The following GNG2 variants were observed in gnomAD, a reference collection of about 807,000 sequenced individuals.
GNG2 encodes guanine nucleotide-binding protein G(I)/G(S)/G(O) subunit gamma-2.
GNG2 carries 5 observed loss-of-function variants against 5.5 expected under a neutral mutation model. The observed-to-expected ratio is 0.91, with a 90% CI of 0.48 to 1.92. The LOEUF (loss-of-function observed/expected upper bound fraction) is 1.92. GNG2 is among the 30% of genes most tolerant of loss of function. The pLI is 0.01. For missense variants in GNG2, 55 were observed against 88.4 expected (o/e 0.62, Z 1.52); for synonymous variants, 28 against 32.0 (o/e 0.88, Z 0.42).
At chr14:51,930,176 G>A (rs1004548105) in intron 2 of GNG2, among the ~76,000 whole-genome samples, 2 of 152,194 alleles carry the variant, frequency 1.3e-5, no homozygotes, top group African/African-American at 4.8e-5. Context: ...TTTGGTTAAT[G>A]CACTGTGCAA....
intron 2 of GNG2, among the ~76,000 whole-genome samples, chr14:51,908,271 C>T (rs1332503279): frequency 6.6e-6 from 1 of 152,094 alleles, no homozygotes; most frequent in Non-Finnish European, 1.5e-5. Context: ...GAAAGAGGGC[C>T]CAAGACGGAA....
At chr14:51,880,972 A>AG (rs1222275594) in intron 2 of GNG2, among the ~76,000 whole-genome samples, 2 of 149,550 alleles carry the variant, frequency 1.3e-5, no homozygotes, top group South Asian at 2.1e-4. Context: ...AAAAAGAAAA[A>AG]AAAAAAAAAA....
At chr14:51,863,173 C>G (rs1882639861) in intron 1 of GNG2, among the ~76,000 whole-genome samples, 1 of 152,104 alleles carries the variant, frequency 6.6e-6, no homozygotes, top group Non-Finnish European at 1.5e-5. Flanking sequence ...AAGTAGAAAG[C>G]CTGTTCATAA....
chr14:51,849,804 GCTT>G (rs765421627), intron 2 of GNG2, among the ~76,000 whole-genome samples: 4 of 90,274 alleles, frequency 4.4e-5, no homozygotes, highest in East Asian at 4.2e-4. Flanking sequence ...CAAAGCAAAT[GCTT>G]TTTTTTTTTT....
intron 2 of GNG2, among the ~76,000 whole-genome samples, chr14:51,929,618 G>A (rs1594928243): frequency 6.6e-6 from 1 of 152,228 alleles, no homozygotes; most frequent in African/African-American, 2.4e-5. Context: ...GAATAGACAA[G>A]TGTTAAAACT....
upstream of GNG2, chr14:51,860,554 G>C (rs934236626): frequency 1.3e-5 from 2 of 152,614 alleles, no homozygotes; most frequent in African/African-American, 4.8e-5. Context: ...GAGGAAGTGG[G>C]AGATGCGCTG....
Position 51,872,687 on chromosome 14 carries a change from G to C in GNG2, c.-70-4930G>C, listed in dbSNP as rs143245942. Among the ~76,000 whole-genome samples, 155 of 152,276 alleles carry C rather than the reference G, an allele frequency of 1.0e-3. 1 individual carries two copies. Among genetic ancestry groups the C allele is most frequent in the African/African-American group, 3.7e-3 (152 of 41,546 alleles). ...CCCATGAGAAAATAGTCTTCCCTAA[G>C]CCCTATTGTGATGTTCCAGTTATAA... is the stretch of plus-strand genomic sequence containing the variant. On this transcript the variant is annotated intron_variant, in intron 1 of 3. Transcript: ENST00000556766.
upstream of GNG2, among the ~76,000 whole-genome samples, chr14:51,857,928 A>T (rs1278119998): frequency 6.6e-6 from 1 of 152,234 alleles, no homozygotes; most frequent in Non-Finnish European, 1.5e-5. Flanking sequence ...GCTCAATAAC[A>T]TAGGAGAGAC....
intron 2 of GNG2, among the ~76,000 whole-genome samples, chr14:51,851,747 T>G (rs996972116): frequency 6.6e-6 from 1 of 152,254 alleles, no homozygotes; most frequent in Non-Finnish European, 1.5e-5. Flanking sequence ...CTTTAATTTC[T>G]TCTTTAAAAT....
chr14:51,862,066 T>C (rs1882528609), intron 1 of GNG2, among the ~76,000 whole-genome samples: 1 of 152,204 alleles, frequency 6.6e-6, no homozygotes, highest in African/African-American at 2.4e-5. Flanking sequence ...GCCTCCTCCT[T>C]TATCATCGTT....
chr14:51,898,039 T>C (rs1024000373), intron 2 of GNG2, among the ~76,000 whole-genome samples: 1 of 152,160 alleles, frequency 6.6e-6, no homozygotes, highest in Non-Finnish European at 1.5e-5. Flanking sequence ...TTGTTTCCCA[T>C]TTATTTTACT....
chr14:51,854,721 C>T (rs142546180), intron 2 of GNG2, among the ~76,000 whole-genome samples: 1,583 of 152,162 alleles, frequency 0.01, 35 homozygotes, highest in African/African-American at 0.037. Context: ...CCATGTTGGC[C>T]AGGCTGCTCT....
intron 1 of GNG2, 98 bp downstream of exon 1, chr14:51,860,888 C>A (rs1003897705): frequency 1.3e-4 from 20 of 152,178 alleles, no homozygotes; most frequent in African/African-American, 4.6e-4. Flanking sequence ...ATAGAGACAT[C>A]GCTTCAGGAC....
At chr14:51,847,789 A>C (rs906239813) in intron 2 of GNG2, among the ~76,000 whole-genome samples, 1 of 151,140 alleles carries the variant, frequency 6.6e-6, no homozygotes, top group African/African-American at 2.4e-5. Context: ...TAAAATTGAG[A>C]ATGTGCTCCT....
intron 2 of GNG2, among the ~76,000 whole-genome samples, chr14:51,929,843 C>T (rs998883347): frequency 3.9e-5 from 6 of 152,116 alleles, no homozygotes; most frequent in African/African-American, 1.4e-4. Context: ...GCTCTGATGC[C>T]AGTTAGACAG....
chr14:51,871,199 T>C (rs778142267), intron 1 of GNG2, among the ~76,000 whole-genome samples: 18 of 152,190 alleles, frequency 1.2e-4, no homozygotes, highest in Admixed American at 1.1e-3. Flanking sequence ...TTAGGGAACA[T>C]TGCTGTGTAT....
chr14:51,852,672 C>G (rs1416544419), intron 2 of GNG2, among the ~76,000 whole-genome samples: 1 of 152,212 alleles, frequency 6.6e-6, no homozygotes, highest in Admixed American at 6.5e-5. Context: ...CAATTGTACT[C>G]TATACTACAT....
At chr14:51,893,098 A>T (rs1884969194) in intron 2 of GNG2, among the ~76,000 whole-genome samples, 1 of 152,192 alleles carries the variant, frequency 6.6e-6, no homozygotes, top group East Asian at 1.9e-4. Flanking sequence ...CTAACCTGTC[A>T]TACATCCATG....
intron 2 of GNG2, among the ~76,000 whole-genome samples, chr14:51,848,180 A>G (rs1165463824): frequency 2.6e-5 from 4 of 151,782 alleles, no homozygotes; most frequent in Admixed American, 6.6e-5. Flanking sequence ...CCTGAATCCA[A>G]TCTCTCCCCC....
Sources: gnomAD v4.1 joint callset for allele counts (sites outside exome capture counted in the v4.1 genomes callset) on GRCh38, gnomAD v4.1.1 for gene constraint, MANE v1.5 for transcripts, NCBI Gene and HGNC (gene_info 2026-07-23, HGNC 2026-07-21) for gene names.